FGF14: variants seen among roughly 807,000 people sequenced by gnomAD.
FGF14 encodes the protein fibroblast growth factor 14.
FGF14 carries 5 observed loss-of-function variants against 25.5 expected under a neutral mutation model. The observed-to-expected ratio is 0.20, with a 90% CI of 0.10 to 0.41. The LOEUF (loss-of-function observed/expected upper bound fraction) is 0.41. Among genes scored for constraint, FGF14 ranks in the 10% least tolerant of loss-of-function variants. The pLI is 1.00. For missense variants in FGF14, 222 were observed against 320.1 expected (o/e 0.69, Z 2.34); for synonymous variants, 138 against 118.3 (o/e 1.17, Z -1.08).
At chr13:102,284,132 G>T (rs916124781) in intron 1 of FGF14, among the ~76,000 whole-genome samples, 1 of 152,132 alleles carries the variant, frequency 6.6e-6, no homozygotes, top group Non-Finnish European at 1.5e-5. Context: ...TTTTTCCCCC[G>T]CAAGAGAGAG....
chr13:102,224,272 G>T (rs559510417), intron 1 of FGF14, among the ~76,000 whole-genome samples: 2 of 152,180 alleles, frequency 1.3e-5, no homozygotes, highest in Admixed American at 6.5e-5. Flanking sequence ...GGTCTTTGCA[G>T]GGCTTGCAAA....
chr13:102,301,826 TCACACACACA>T (rs3066038), intron 1 of FGF14, among the ~76,000 whole-genome samples: 163 of 140,072 alleles, frequency 1.2e-3, no homozygotes, highest in Middle Eastern at 3.5e-3. Context: ...TTCCTGTACT[TCACACACACA>T]CACACACACA....
At chr13:102,261,334 C>T (rs1050780269) in intron 1 of FGF14, among the ~76,000 whole-genome samples, 1 of 152,010 alleles carries the variant, frequency 6.6e-6, no homozygotes, top group Non-Finnish European at 1.5e-5. Flanking sequence ...AGAAGAAAAT[C>T]GTTGAGATAT....
intron 3 of FGF14, among the ~76,000 whole-genome samples, chr13:101,769,046 A>G (rs1341065610): frequency 6.6e-6 from 1 of 152,152 alleles, no homozygotes; most frequent in Non-Finnish European, 1.5e-5. Flanking sequence ...ACTGGGAGGA[A>G]GGTTTTTTTT....
chr13:101,835,808 C>G (rs1431073553), intron 3 of FGF14, among the ~76,000 whole-genome samples: 4 of 152,034 alleles, frequency 2.6e-5, no homozygotes, highest in African/African-American at 9.6e-5. Flanking sequence ...ACTTTAAAGT[C>G]AAGCAGGAAA....
intron 1 of FGF14, among the ~76,000 whole-genome samples, chr13:102,047,291 T>G (rs776290462): frequency 5.3e-5 from 8 of 152,100 alleles, no homozygotes; most frequent in Non-Finnish European, 1.0e-4. Context: ...TACATACATC[T>G]TGGCAGCTTC....
chr13:102,301,016 T>G (rs2055023376), intron 1 of FGF14, among the ~76,000 whole-genome samples: 1 of 152,042 alleles, frequency 6.6e-6, no homozygotes, highest in South Asian at 2.1e-4. Flanking sequence ...GAAATTATTT[T>G]TAAAAGAAAA....
chr13:101,954,048 A>G (rs920300673), intron 1 of FGF14, among the ~76,000 whole-genome samples: 3 of 152,184 alleles, frequency 2.0e-5, no homozygotes, highest in African/African-American at 7.2e-5. Flanking sequence ...TCATTACAGC[A>G]CTGTGGGCTT....
chr13:101,772,017 C>A (rs2038805289), intron 3 of FGF14, among the ~76,000 whole-genome samples: 1 of 151,932 alleles, frequency 6.6e-6, no homozygotes, highest in African/African-American at 2.4e-5. Context: ...AATACAACAG[C>A]CATTCACATT....
At chr13:101,891,507 A>G (rs1340041020) in intron 1 of FGF14, among the ~76,000 whole-genome samples, 14 of 152,188 alleles carry the variant, frequency 9.2e-5, no homozygotes, top group Non-Finnish European at 1.6e-4. Flanking sequence ...GCTGGTTGTA[A>G]TAACAACAGT....
At chr13:102,397,164 C>T (rs2058604202) in intron 1 of FGF14, among the ~76,000 whole-genome samples, 1 of 152,148 alleles carries the variant, frequency 6.6e-6, no homozygotes, top group Admixed American at 6.5e-5. Flanking sequence ...CACTCTTCTT[C>T]CCTCTCTTCC....
chr13:102,025,112 G>C (rs2040859339), intron 1 of FGF14, among the ~76,000 whole-genome samples: 1 of 151,550 alleles, frequency 6.6e-6, no homozygotes, highest in East Asian at 1.9e-4. Context: ...TAATTTTTGA[G>C]ATCTGGGAAT....
chr13:101,975,149 C>A (rs1006645336), intron 1 of FGF14, among the ~76,000 whole-genome samples: 4 of 152,090 alleles, frequency 2.6e-5, no homozygotes, highest in Non-Finnish European at 2.9e-5. Context: ...TGCTCAGAAC[C>A]CTCAACTACA....
At chr13:102,343,368 C>T (rs2057010715) in intron 1 of FGF14, among the ~76,000 whole-genome samples, 1 of 152,176 alleles carries the variant, frequency 6.6e-6, no homozygotes, top group Non-Finnish European at 1.5e-5. Context: ...ACAGGGATGA[C>T]TGCAGTAAGT....
At chr13:101,945,996 A>G (rs542955286) in intron 1 of FGF14, among the ~76,000 whole-genome samples, 2 of 152,306 alleles carry the variant, frequency 1.3e-5, no homozygotes, top group South Asian at 2.1e-4. Context: ...GCCTTAATCA[A>G]TTCTTAATCA....
At chr13:102,004,737 G>A (rs925018911) in intron 1 of FGF14, among the ~76,000 whole-genome samples, 3 of 152,282 alleles carry the variant, frequency 2.0e-5, no homozygotes, top group East Asian at 1.9e-4. Context: ...GGAGGCATCC[G>A]ATGGGAGGTA....
At chr13:102,335,463 T>G (rs2056764382) in intron 1 of FGF14, among the ~76,000 whole-genome samples, 1 of 152,012 alleles carries the variant, frequency 6.6e-6, no homozygotes, top group Non-Finnish European at 1.5e-5. Flanking sequence ...GATTAAGTAA[T>G]TTTAGCAGAC....
At chr13:102,291,713 G>C (rs562585841) in intron 1 of FGF14, among the ~76,000 whole-genome samples, 64 of 152,104 alleles carry the variant, frequency 4.2e-4, no homozygotes, top group African/African-American at 1.5e-3. Flanking sequence ...CTAAGAATAA[G>C]GCTGGGAAAA....
chr13:101,917,195 G>A (rs1190214810), upstream of FGF14, among the ~76,000 whole-genome samples: 1 of 151,838 alleles, frequency 6.6e-6, no homozygotes, highest in East Asian at 1.9e-4. Flanking sequence ...GCCCGCTCTC[G>A]GCTTCTGCCG....
Sources: gnomAD v4.1 joint callset for allele counts (sites outside exome capture counted in the v4.1 genomes callset) on GRCh38, gnomAD v4.1.1 for gene constraint, MANE v1.5 for transcripts, NCBI Gene and HGNC (gene_info 2026-07-23, HGNC 2026-07-21) for gene names.